MEF2C: variants seen among roughly 807,000 people sequenced by gnomAD.
MEF2C encodes the protein myocyte-specific enhancer factor 2C.
A neutral mutation model predicts 50.5 loss-of-function variants in MEF2C; 6 were observed. That is an observed-to-expected ratio of 0.12 (90% confidence interval 0.07 to 0.23). The LOEUF (loss-of-function observed/expected upper bound fraction) is 0.23, where lower values mean the gene tolerates loss of function less well. Among genes scored for constraint, MEF2C ranks in the 10% least tolerant of loss-of-function variants. The probability of loss-of-function intolerance (pLI) is 1.00; values close to 1 mark genes in which losing one functional copy is unlikely to be tolerated. For missense variants in MEF2C, 276 were observed against 605.0 expected, an observed-to-expected ratio of 0.46 and a Z score of 5.70; for synonymous variants, 183 against 228.0, an observed-to-expected ratio of 0.80 and a Z score of 1.78.
intron 1 of MEF2C, chr5:88,838,603 T>C: frequency 1.0e-6 from 1 of 985,310 alleles, no homozygotes; most frequent in Non-Finnish European, 1.2e-6. Context: ...AGATATCTCA[T>C]CCCCAAAGCT....
chr5:88,821,259 T>C (rs544241914), intron 2 of MEF2C, among the ~76,000 whole-genome samples: 37 of 151,388 alleles, frequency 2.4e-4, no homozygotes, highest in African/African-American at 7.2e-4. Flanking sequence ...ATTAAGATTC[T>C]TTGTTTGTTT....
chr5:88,886,064 T>C (rs923605790), upstream of MEF2C, among the ~76,000 whole-genome samples: 6 of 152,214 alleles, frequency 3.9e-5, no homozygotes, highest in Non-Finnish European at 8.8e-5. Flanking sequence ...ATCTGGAATG[T>C]ATCACAGTTG....
At chr5:88,729,573 G>T in intron 8 of MEF2C, 1 of 498,838 alleles carries the variant, frequency 2.0e-6, no homozygotes, top group Non-Finnish European at 3.6e-6. Context: ...CTAGGCAACT[G>T]AACTAGTAAC....
At chr5:88,731,434 TG>T in intron 7 of MEF2C, 1 of 288,394 alleles carries the variant, frequency 3.5e-6, no homozygotes, top group Non-Finnish European at 6.6e-6. Context: ...TGGTAGTGTC[TG>T]ATTTTTTTCC....
chr5:88,765,019 A>G (rs1779442819), intron 3 of MEF2C, among the ~76,000 whole-genome samples: 1 of 152,182 alleles, frequency 6.6e-6, no homozygotes, highest in East Asian at 1.9e-4. Flanking sequence ...GAAGAATTAT[A>G]TAAACTATTA....
At chr5:88,787,142 A>C (rs887344521) in intron 3 of MEF2C, among the ~76,000 whole-genome samples, 16 of 152,240 alleles carry the variant, frequency 1.1e-4, no homozygotes, top group African/African-American at 3.9e-4. Flanking sequence ...GAAAAGAAAA[A>C]AAAAATCAAT....
chr5:88,869,551 T>C (rs1449175427), intron 1 of MEF2C, among the ~76,000 whole-genome samples: 1 of 151,412 alleles, frequency 6.6e-6, no homozygotes, highest in Non-Finnish European at 1.5e-5. Context: ...TGTAAATATG[T>C]CCATTATCTA....
intron 2 of MEF2C, 64 bp downstream of exon 2, chr5:88,823,671 C>T (rs1809544347): frequency 5.6e-6 from 8 of 1,441,150 alleles, no homozygotes; most frequent in Non-Finnish European, 6.7e-6. Context: ...TTTCTGTACC[C>T]TTAACATATG....
intron 1 of MEF2C, among the ~76,000 whole-genome samples, chr5:88,851,918 ACAAT>A (rs1167751531): frequency 2.6e-5 from 4 of 152,210 alleles, no homozygotes; most frequent in Non-Finnish European, 4.4e-5. Flanking sequence ...TGCAATCAAT[ACAAT>A]CAGACTCAAT....
chr5:88,802,892 T>A (rs1233196530), intron 3 of MEF2C, among the ~76,000 whole-genome samples: 4 of 152,252 alleles, frequency 2.6e-5, no homozygotes, highest in African/African-American at 4.8e-5. Context: ...TCATTATGGA[T>A]CTACAGCATT....
chr5:88,739,808 G>C (rs1765734910), intron 6 of MEF2C: 3 of 985,118 alleles, frequency 3.0e-6, no homozygotes, highest in Non-Finnish European at 3.6e-6. Flanking sequence ...ACATTCAGGG[G>C]TCAGAAATCT....
In MEF2C at chr5:88,742,937, T is replaced by C. The variant is rs1389127413; in HGVS notation, c.637+6133A>G. 3.1e-6 allele frequency: 3 copies of C among 974,322 alleles called. No individual in the cohort carries two copies. In the East Asian group the frequency reaches 3.4e-4, roughly 111 times the overall value. The allele number at this position is 974,322 out of a possible 1,614,324, so 60.4% of individuals were successfully genotyped here. ...ATAAACTTGGTTTGGGTTAAAAATA[T>C]CATTGTTACTTAATTTCATAAATAA... is the stretch of plus-strand genomic sequence containing the variant. On this transcript the variant is annotated intron_variant, in intron 6 of 10. Coordinates refer to ENST00000504921, the MANE Select transcript of MEF2C (RefSeq NM_002397.5).
intron 1 of MEF2C, among the ~76,000 whole-genome samples, chr5:88,828,095 T>A (rs943672026): frequency 1.3e-5 from 2 of 151,964 alleles, no homozygotes; most frequent in East Asian, 3.9e-4. Context: ...GCATTCTACA[T>A]AAGGTTTCTG....
At chr5:88,801,516 G>A (rs546061227) in intron 3 of MEF2C, among the ~76,000 whole-genome samples, 7 of 149,852 alleles carry the variant, frequency 4.7e-5, no homozygotes, top group South Asian at 2.1e-4. Context: ...TTTTTGAGAC[G>A]GAGTCTCACC....
intron 3 of MEF2C, among the ~76,000 whole-genome samples, chr5:88,792,550 C>T (rs1331503481): frequency 6.6e-6 from 1 of 152,106 alleles, no homozygotes; most frequent in African/African-American, 2.4e-5. Context: ...GTTTAAATAT[C>T]TCCCTCTTCA....
At chr5:88,747,998 G>A in intron 6 of MEF2C, 2 of 949,652 alleles carry the variant, frequency 2.1e-6, no homozygotes, top group Non-Finnish European at 2.5e-6. Flanking sequence ...ATTTTCAAAA[G>A]ATATATAAAA....
intron 3 of MEF2C, chr5:88,771,529 A>AT (rs1253863091): frequency 3.0e-6 from 3 of 985,152 alleles, no homozygotes; most frequent in Non-Finnish European, 3.6e-6. Flanking sequence ...ACTGTAATTT[A>AT]TTTTTTAACA....
intron 3 of MEF2C, among the ~76,000 whole-genome samples, chr5:88,797,874 T>C (rs1166493255): frequency 6.6e-6 from 1 of 152,212 alleles, no homozygotes; most frequent in East Asian, 1.9e-4. Flanking sequence ...CGCTTGTCTG[T>C]AAAGGATTTT....
chr5:88,724,879 T>C (rs1374022292), intron 10 of MEF2C, among the ~76,000 whole-genome samples: 1 of 152,114 alleles, frequency 6.6e-6, no homozygotes, highest in Non-Finnish European at 1.5e-5. Context: ...CTGCTATGAA[T>C]CACACAACTA....
Sources: gnomAD v4.1 joint callset for allele counts (sites outside exome capture counted in the v4.1 genomes callset) on GRCh38, gnomAD v4.1.1 for gene constraint, MANE v1.5 for transcripts, NCBI Gene and HGNC (gene_info 2026-07-23, HGNC 2026-07-21) for gene names.